The following APBA1 variants were observed in gnomAD, a reference collection of about 807,000 sequenced individuals.
APBA1 encodes amyloid-beta A4 precursor protein-binding family A member 1.
Under a neutral mutation model 86.6 loss-of-function variants are expected in APBA1, and 55 were observed. The observed-to-expected ratio is 0.64, with a 90% confidence interval of 0.51 to 0.80. The LOEUF (loss-of-function observed/expected upper bound fraction) is 0.80, where lower values mean the gene tolerates loss of function less well. Ranked by LOEUF, APBA1 falls within the 30% of genes least tolerant of loss-of-function variation. APBA1 has a pLI of 0.00. For synonymous variants in APBA1, 511 were observed against 493.9 expected, an observed-to-expected ratio of 1.03 and a Z score of -0.46; for missense variants, 1,090 against 1,183.0, an observed-to-expected ratio of 0.92 and a Z score of 1.15.
chr9:69,449,904 T>C (rs1834974287), intron 9 of APBA1, 108 bp from the exon 10 acceptor site: 2 of 923,268 alleles, frequency 2.2e-6, no homozygotes, highest in Admixed American at 2.7e-5. Context: ...GACACTTCCC[T>C]GGGGACACCA....
chr9:69,542,122 C>T (rs1326470184), intron 1 of APBA1, among the ~76,000 whole-genome samples: 1 of 152,224 alleles, frequency 6.6e-6, no homozygotes, highest in Non-Finnish European at 1.5e-5. Flanking sequence ...AGCAGTTTTA[C>T]GTTCTCAACA....
intron 2 of APBA1, among the ~76,000 whole-genome samples, chr9:69,504,628 T>A (rs1324113322): frequency 6.6e-6 from 1 of 152,072 alleles, no homozygotes; most frequent in Non-Finnish European, 1.5e-5. Context: ...TTGGGCCTGT[T>A]ACCTCAGAGA....
chr9:69,605,550 C>T (rs963388541), intron 1 of APBA1, among the ~76,000 whole-genome samples: 6 of 152,304 alleles, frequency 3.9e-5, no homozygotes, highest in East Asian at 1.9e-4. Context: ...TCAAACTCTA[C>T]GTGCAGCTTT....
At chr9:69,431,627 A>G (rs914261350) in intron 12 of APBA1, among the ~76,000 whole-genome samples, 5 of 152,258 alleles carry the variant, frequency 3.3e-5, no homozygotes, top group African/African-American at 1.2e-4. Flanking sequence ...ACAAAAACCA[A>G]GCAAGGCTTA....
intron 1 of APBA1, among the ~76,000 whole-genome samples, chr9:69,521,499 CT>C (rs36121358): frequency 6.6e-6 from 1 of 152,166 alleles, no homozygotes; most frequent in African/African-American, 2.4e-5. Flanking sequence ...CCAGAGGAGG[CT>C]TCCCTGCTTT....
intron 10 of APBA1, among the ~76,000 whole-genome samples, chr9:69,441,359 G>A (rs1237237089): frequency 1.3e-5 from 2 of 152,176 alleles, no homozygotes; most frequent in African/African-American, 4.8e-5. Flanking sequence ...GGGTTCCTGT[G>A]GGCAATGCCT....
chr9:69,570,795 G>C (rs776782754), intron 1 of APBA1, among the ~76,000 whole-genome samples: 65 of 152,040 alleles, frequency 4.3e-4, no homozygotes, highest in Non-Finnish European at 2.4e-4. Context: ...ACATGAACAG[G>C]CTATAAATTA....
intron 1 of APBA1, among the ~76,000 whole-genome samples, chr9:69,524,994 AAC>A (rs1836319923): frequency 6.6e-6 from 1 of 152,212 alleles, no homozygotes; most frequent in African/African-American, 2.4e-5. Context: ...TGATCATCTC[AAC>A]AGACTTGGAA....
intron 1 of APBA1, among the ~76,000 whole-genome samples, chr9:69,600,600 A>C (rs891714218): frequency 2.0e-5 from 3 of 151,924 alleles, no homozygotes; most frequent in African/African-American, 7.3e-5. Context: ...GGAGTTTGAG[A>C]TCAGCCTGGC....
chr9:69,606,310 T>C (rs899104576), intron 1 of APBA1, among the ~76,000 whole-genome samples: 4 of 152,150 alleles, frequency 2.6e-5, no homozygotes, highest in African/African-American at 9.7e-5. Flanking sequence ...CATTAGCACC[T>C]ACTGCAGGCC....
At chr9:69,476,302 A>G (rs915018498) in intron 2 of APBA1, among the ~76,000 whole-genome samples, 159 bp from the exon 3 acceptor site, 22 of 152,222 alleles carry the variant, frequency 1.4e-4, no homozygotes, top group African/African-American at 5.3e-4. Flanking sequence ...AACTGTACAT[A>G]AAACACTTGT....
chr9:69,510,292 G>C (rs966158696), intron 2 of APBA1, among the ~76,000 whole-genome samples: 1 of 151,910 alleles, frequency 6.6e-6, no homozygotes, highest in African/African-American at 2.4e-5. Flanking sequence ...CAAACAGAGA[G>C]CCAAATCATA....
chr9:69,595,641 T>G (rs1822212339), intron 1 of APBA1, among the ~76,000 whole-genome samples: 1 of 152,196 alleles, frequency 6.6e-6, no homozygotes, highest in Admixed American at 6.5e-5. Flanking sequence ...CATACATGAT[T>G]TTTCAGATGT....
chr9:69,570,530 G>A (rs1184804155), intron 1 of APBA1, among the ~76,000 whole-genome samples: 1 of 152,116 alleles, frequency 6.6e-6, no homozygotes, highest in Non-Finnish European at 1.5e-5. Context: ...CTGATATTTA[G>A]AGATTTATAA....
intron 1 of APBA1, among the ~76,000 whole-genome samples, chr9:69,660,481 C>T (rs772301181): frequency 1.2e-4 from 18 of 152,178 alleles, no homozygotes; most frequent in Non-Finnish European, 2.5e-4. Context: ...ATCTAACAAG[C>T]GCTTTTCATG....
At chr9:69,587,800 G>A (rs149720678) in intron 1 of APBA1, among the ~76,000 whole-genome samples, 7 of 152,152 alleles carry the variant, frequency 4.6e-5, no homozygotes, top group East Asian at 3.9e-4. Flanking sequence ...TGAGGTAGCC[G>A]GATCATTTGA....
At chr9:69,494,275 C>T (rs987377436) in intron 2 of APBA1, 2 of 152,078 alleles carry the variant, frequency 1.3e-5, no homozygotes, top group African/African-American at 4.8e-5. Context: ...TTTGTTCTCT[C>T]TTTTCCCACA....
chr9:69,465,517 A>T (rs1470927570), intron 5 of APBA1: 1 of 152,368 alleles, frequency 6.6e-6, no homozygotes, highest in East Asian at 1.9e-4. Context: ...CTGGAAGACA[A>T]CTAAATTAAG....
At chr9:69,602,562 C>T (rs1822373908) in intron 1 of APBA1, among the ~76,000 whole-genome samples, 2 of 151,732 alleles carry the variant, frequency 1.3e-5, no homozygotes, top group Admixed American at 6.6e-5. Context: ...CGGAGAGAGA[C>T]TCTGTCTCAT....
Sources: allele counts gnomAD v4.1 joint callset (sites outside exome capture counted in the v4.1 genomes callset), GRCh38; gene constraint gnomAD v4.1.1; transcripts MANE v1.5; gene names NCBI Gene and HGNC (gene_info 2026-07-23, HGNC 2026-07-21).